Variants in USH2A observed in about 807,000 individuals in gnomAD.
USH2A encodes the protein Usher syndrome 2A (autosomal recessive, mild).
A neutral mutation model predicts 538.9 loss-of-function variants in USH2A; 443 were observed. The ratio of observed to expected loss-of-function variants is 0.82; its 90% CI spans 0.76 to 0.89. The LOEUF (loss-of-function observed/expected upper bound fraction) is 0.89. Among genes scored for constraint, USH2A ranks in the 40% least tolerant of loss-of-function variants. The probability of loss-of-function intolerance (pLI) is 0.00; values close to 1 mark genes in which losing one functional copy is unlikely to be tolerated. For missense variants in USH2A, 6,633 were observed against 6,324.8 expected (o/e 1.05, Z -1.65); for synonymous variants, 2,413 against 2,273.5 (o/e 1.06, Z -1.75).
At chr1:216,406,890 G>A (rs1296490614) in intron 3 of USH2A, among the ~76,000 whole-genome samples, 1 of 152,058 alleles carries the variant, frequency 6.6e-6, no homozygotes, top group Non-Finnish European at 1.5e-5. Flanking sequence ...TTATATCCCA[G>A]ACAAAAACAA....
chr1:215,797,754 G>C (rs1283723402), intron 50 of USH2A, among the ~76,000 whole-genome samples: 1 of 152,036 alleles, frequency 6.6e-6, no homozygotes, highest in Non-Finnish European at 1.5e-5. Context: ...AATTCATCTG[G>C]TCACTCAAGA....
intron 11 of USH2A, among the ~76,000 whole-genome samples, chr1:216,272,163 A>C (rs985298006): frequency 6.6e-6 from 1 of 152,112 alleles, no homozygotes; most frequent in African/African-American, 2.4e-5. Flanking sequence ...AGGTTTTTAG[A>C]TATGAATTAA....
Position 215,965,300 on chromosome 1 carries a change from A to T in USH2A, c.7120+17T>A, listed in dbSNP as rs1667311269. On this transcript the variant is annotated intron_variant, in intron 37 of 71. Coordinates refer to ENST00000307340, the MANE Select transcript of USH2A (RefSeq NM_206933.4). ...TTTCTAATGTTATTTAAAGTTTAGA[A>T]AATAAAAACAAATTACCTGGGTCTA... 49 of 1,609,446 alleles carry T rather than the reference A, an allele frequency of 3.0e-5. No individual in the cohort carries two copies. The highest frequency in any genetic ancestry group is 4.2e-5 in the Non-Finnish European group (49 of 1,177,756).
intron 13 of USH2A, among the ~76,000 whole-genome samples, chr1:216,236,410 T>A (rs1446362760): frequency 2.0e-5 from 3 of 152,168 alleles, no homozygotes; most frequent in African/African-American, 7.2e-5. Flanking sequence ...TACATGTGAG[T>A]CAGTTTCCCC....
At chr1:216,322,433 T>G (rs547322896) in intron 8 of USH2A, among the ~76,000 whole-genome samples, 211 of 150,204 alleles carry the variant, frequency 1.4e-3, no homozygotes, top group Non-Finnish European at 1.3e-3. Flanking sequence ...CAAAACCCCA[T>G]CTCTACAAAA....
chr1:216,235,962 T>C lies in USH2A; in HGVS notation c.2810-3826A>G, dbSNP rs2035805183. On this transcript the variant is annotated intron_variant, in intron 13 of 71. Coordinates refer to ENST00000307340, the MANE Select transcript of USH2A (RefSeq NM_206933.4). ...GCTTTATGAATCAATATTTTCAATA[T>C]TGTTGTATTGTTTGTAAACTATATT... Among the ~76,000 whole-genome samples, 4 of 152,174 alleles carry C rather than the reference T, an allele frequency of 2.6e-5. No homozygotes were observed. In the South Asian group the frequency reaches 6.2e-4, roughly 24 times the overall value.
At chr1:215,761,229 G>C (rs1334274282) in intron 56 of USH2A, among the ~76,000 whole-genome samples, 2 of 152,092 alleles carry the variant, frequency 1.3e-5, no homozygotes, top group Non-Finnish European at 2.9e-5. Context: ...CTTATATGTA[G>C]AATGTTCTCA....
At position 215,958,994 on chromosome 1, in the gene USH2A, T is replaced by C. The variant is rs372840316; in HGVS notation, c.7120+6323A>G. On this transcript the variant is annotated intron_variant, in intron 37 of 71. Transcript: ENST00000307340. ...TCATTGGAAATATGTGAAGATGCCCTTCTTTCTGTAAGCTTCCACCTTAGG... is the reference window on the plus strand; with the variant it reads ...TCATTGGAAATATGTGAAGATGCCCCTCTTTCTGTAAGCTTCCACCTTAGG... 2.0e-3 allele frequency among the ~76,000 whole-genome samples: 302 copies of C among 152,216 alleles called. 2 individuals are homozygous for C. Among genetic ancestry groups the C allele is most frequent in the Middle Eastern group, 0.014 (4 of 294 alleles).
intron 4 of USH2A, among the ~76,000 whole-genome samples, chr1:216,347,598 T>C (rs1022702349): frequency 6.6e-5 from 10 of 152,116 alleles, no homozygotes; most frequent in Admixed American, 3.9e-4. Context: ...AAAAATATGT[T>C]ATTGGTTTGT....
intron 21 of USH2A, among the ~76,000 whole-genome samples, chr1:216,124,544 A>T (rs1024422116): frequency 6.6e-6 from 1 of 152,206 alleles, no homozygotes; most frequent in African/African-American, 2.4e-5. Flanking sequence ...AAAGCTCAGC[A>T]AAAACATAGA....
At chr1:215,998,818 G>A in intron 34 of USH2A, 69 bp downstream of exon 34, 1 of 1,527,366 alleles carries the variant, frequency 6.5e-7, no homozygotes, top group Non-Finnish European at 9.0e-7. Context: ...AGAAAGAAAA[G>A]ATGGACCACG....
rs371825376 is a variant in USH2A, at chr1:216,369,756, T to A, written c.652-4671A>T. ...TGAAACCCCGTCTGTACTTAAAAAA[T>A]ATATATATATACAAAAATTAGCTGG... On this transcript the variant is annotated intron_variant, in intron 3 of 71. Transcript: ENST00000307340. 5.1e-4 allele frequency among the ~76,000 whole-genome samples: 77 copies of A among 150,708 alleles called. 1 individual carries two copies. In the South Asian group the frequency reaches 0.011, roughly 22 times the overall value.
At chr1:216,006,198 A>G (rs1299856256) in intron 32 of USH2A, among the ~76,000 whole-genome samples, 1 of 152,176 alleles carries the variant, frequency 6.6e-6, no homozygotes, top group Non-Finnish European at 1.5e-5. Flanking sequence ...AGTTACACCT[A>G]CTACTTCATA....
At chr1:216,055,677 G>A (rs2030951709) in intron 30 of USH2A, among the ~76,000 whole-genome samples, 1 of 152,146 alleles carries the variant, frequency 6.6e-6, no homozygotes, top group Admixed American at 6.5e-5. Context: ...TATCCAGGAT[G>A]CTTCTCCTCT....
intron 58 of USH2A, among the ~76,000 whole-genome samples, chr1:215,745,412 G>A (rs1001841313): frequency 6.1e-5 from 9 of 146,570 alleles, no homozygotes; most frequent in Non-Finnish European, 9.2e-5. Context: ...TGCAGAAGTA[G>A]TACAAACAAG....
chr1:216,206,329 T>A (rs1048535459), intron 16 of USH2A, among the ~76,000 whole-genome samples: 1 of 152,186 alleles, frequency 6.6e-6, no homozygotes, highest in African/African-American at 2.4e-5. Flanking sequence ...ACTGGTTTCA[T>A]GGAAAACAGT....
At chr1:216,092,371 C>T (rs924265731) in intron 22 of USH2A, among the ~76,000 whole-genome samples, 20 of 152,056 alleles carry the variant, frequency 1.3e-4, no homozygotes, top group African/African-American at 4.6e-4. Context: ...TAGATAATCT[C>T]GTCCGCATTT....
intron 9 of USH2A, among the ~76,000 whole-genome samples, chr1:216,299,876 C>A (rs893995782): frequency 1.3e-5 from 2 of 152,034 alleles, no homozygotes; most frequent in African/African-American, 2.4e-5. Context: ...AGAGATGATG[C>A]CTAAATTTGT....
In USH2A at chr1:216,242,094, T is replaced by C. The variant is rs541328743; in HGVS notation, c.2809+4491A>G. On this transcript the variant is annotated intron_variant, in intron 13 of 71. Coordinates refer to ENST00000307340, the MANE Select transcript of USH2A (RefSeq NM_206933.4). Reference sequence around the variant, plus strand: ...TCAACTTGCATAACTACAATAATAATATAATTCCTCACTTTGGGAGGCCTA... The same window carrying C: ...TCAACTTGCATAACTACAATAATAACATAATTCCTCACTTTGGGAGGCCTA... 8.6e-5 allele frequency among the ~76,000 whole-genome samples: 13 copies of C among 151,782 alleles called. No individual in the cohort carries two copies. The East Asian group carries it at 2.5e-3, about 29-fold the overall frequency.
Sources: gnomAD v4.1 joint callset for allele counts (sites outside exome capture counted in the v4.1 genomes callset) on GRCh38, gnomAD v4.1.1 for gene constraint, MANE v1.5 for transcripts, NCBI Gene and HGNC (gene_info 2026-07-23, HGNC 2026-07-21) for gene names.